The following DCK variants were observed in gnomAD, a reference collection of about 807,000 sequenced individuals.
DCK encodes deoxycytidine kinase.
In DCK, 23 loss-of-function variants were observed where a neutral mutation model predicts 38.3. The observed-to-expected ratio is 0.60, with a 90% confidence interval of 0.43 to 0.85. The LOEUF (loss-of-function observed/expected upper bound fraction) is 0.85. Ranked by LOEUF, DCK falls within the 40% of genes least tolerant of loss-of-function variation. The pLI is 0.00. For missense variants in DCK, 259 were observed against 304.4 expected (o/e 0.85, Z 1.11); for synonymous variants, 108 against 100.6 (o/e 1.07, Z -0.44).
chr4:71,024,498 A>G (rs1304505849), intron 4 of DCK, among the ~76,000 whole-genome samples: 1 of 152,012 alleles, frequency 6.6e-6, no homozygotes, highest in African/African-American at 2.4e-5. Context: ...TCCTTAAGTC[A>G]CAGGGTAGGC....
At position 71,025,866 on chromosome 4, in the gene DCK, T is replaced by G. The variant is rs1430270205; in HGVS notation, c.600T>G (p.Ile200Met). ...YLRGRNEEQG[I>M]PLEYLEKLHY... ...GGGGAAGAAATGAAGAGCAAGGCAT[T>G]CCTCTTGAATATTTAGAGAAGCTTC... The change falls in exon 5 of 7, where the codon ATT becomes ATG. Residue 200 changes from isoleucine to methionine, a missense_variant. Ile to Met is a conservative substitution (Grantham distance 10). Transcript: ENST00000286648. The G allele has an allele frequency of 2.5e-6, 4 of 1,611,554 alleles. No homozygotes were observed. The highest frequency in any genetic ancestry group is 3.3e-5 in the Admixed American group (2 of 59,848).
At chr4:71,012,905 C>A (rs1740140057) in intron 2 of DCK, among the ~76,000 whole-genome samples, 2 of 152,234 alleles carry the variant, frequency 1.3e-5, no homozygotes, top group South Asian at 4.1e-4. Context: ...CGGAACAAAG[C>A]TGGACGGAGA....
chr4:71,019,885 C>T (rs1311601192), intron 2 of DCK, among the ~76,000 whole-genome samples: 1 of 152,148 alleles, frequency 6.6e-6, no homozygotes, highest in African/African-American at 2.4e-5. Flanking sequence ...CTCCCCAGTT[C>T]AAGTGATTCT....
Position 71,026,660 on chromosome 4 carries a change from A to G in DCK, c.666-5A>G. ...ATTATTTTATTAATCTCTCTTTTTA[A>G]ACAGAACCAACTTCGATTATCTTCA... On this transcript the variant is annotated splice_polypyrimidine_tract_variant and splice_region_variant and intron_variant, in intron 5 of 6. Coordinates refer to ENST00000286648, the MANE Select transcript of DCK (RefSeq NM_000788.3). 7.0e-7 allele frequency: 1 copy of G among 1,434,766 alleles called. No homozygotes were observed. The highest frequency in any genetic ancestry group is 9.7e-7 in the Non-Finnish European group (1 of 1,031,508). 88.9% of individuals were successfully genotyped at this position (1,434,766 alleles called of 1,614,324 possible). A position where few individuals can be genotyped will look rare whatever the true frequency, so the allele number is the denominator to read the frequency against.
chr4:71,006,279 T>G (rs1193990280), intron 2 of DCK: 1 of 906,704 alleles, frequency 1.1e-6, no homozygotes, highest in African/African-American at 1.8e-5. Flanking sequence ...AGTTGTAATT[T>G]TGCAGCATTT....
At chr4:71,010,722 A>G (rs28545112) in intron 2 of DCK, among the ~76,000 whole-genome samples, 2,283 of 148,264 alleles carry the variant, frequency 0.015, 31 homozygotes, top group Middle Eastern at 0.061. Flanking sequence ...TATAAAAATT[A>G]TATTTATGGT....
In DCK at chr4:71,029,624, G is replaced by A. The variant is rs1009243606; in HGVS notation, c.*246G>A. On this transcript the variant is annotated 3_prime_UTR_variant, in exon 7 of 7. Coordinates refer to ENST00000286648, the MANE Select transcript of DCK (RefSeq NM_000788.3). ...ATTTCTCATAGCAGGAAATGTAGAG[G>A]TAGATGGTTCCAGTATCAGCATAGT... 4.6e-6 allele frequency: 2 copies of A among 430,708 alleles called. No individual in the cohort carries two copies. The highest frequency in any genetic ancestry group is 2.1e-5 in the African/African-American group (1 of 48,644). The allele number at this position is 430,708 out of a possible 1,614,324, so 26.7% of individuals were successfully genotyped here.
chr4:71,026,612 C>T, intron 5 of DCK, 53 bp from the exon 6 acceptor site: 1 of 879,282 alleles, frequency 1.1e-6, no homozygotes, highest in Non-Finnish European at 1.9e-6. Context: ...TAATGTTTCT[C>T]TCTTTTTTTT....
chr4:71,004,434 G>A (rs1015886530), intron 2 of DCK, among the ~76,000 whole-genome samples: 1 of 152,228 alleles, frequency 6.6e-6, no homozygotes, highest in Non-Finnish European at 1.5e-5. Context: ...GAGGCATGGG[G>A]GTCATGGACC....
At chr4:71,024,027 C>G (rs1740491322) in intron 4 of DCK, among the ~76,000 whole-genome samples, 1 of 152,140 alleles carries the variant, frequency 6.6e-6, no homozygotes, top group South Asian at 2.1e-4. Flanking sequence ...CAAGCAACTC[C>G]TAGAATATAG....
chr4:71,002,940 C>T (rs1032122735), intron 2 of DCK, among the ~76,000 whole-genome samples: 9 of 152,244 alleles, frequency 5.9e-5, no homozygotes, highest in African/African-American at 2.2e-4. Context: ...TCAACTGGGG[C>T]ATTTAGCCCA....
chr4:71,012,095 A>G (rs536747135), intron 2 of DCK, among the ~76,000 whole-genome samples: 24 of 152,352 alleles, frequency 1.6e-4, no homozygotes, highest in African/African-American at 5.8e-4. Context: ...TTATCCAGAG[A>G]TAACCATAGA....
chr4:71,016,681 G>A (rs1046527682), intron 2 of DCK, among the ~76,000 whole-genome samples: 4 of 152,100 alleles, frequency 2.6e-5, no homozygotes, highest in African/African-American at 9.7e-5. Context: ...CAAGAAATGG[G>A]GAAAGGATTC....
At chr4:71,018,067 C>G (rs1407876460) in intron 2 of DCK, among the ~76,000 whole-genome samples, 1 of 151,466 alleles carries the variant, frequency 6.6e-6, no homozygotes, top group Non-Finnish European at 1.5e-5. Flanking sequence ...GAATGATAAC[C>G]TATTCGCTTA....
In DCK at chr4:71,003,747, G is replaced by A. The variant is rs184017010; in HGVS notation, c.207+5565G>A. Among the ~76,000 whole-genome samples the A allele has an allele frequency of 7.8e-4, 119 of 151,862 alleles. 2 individuals carry two copies. The highest frequency in any genetic ancestry group is 1.8e-4 in the Non-Finnish European group (12 of 67,968). On this transcript the variant is annotated intron_variant, in intron 2 of 6. Transcript: ENST00000286648. The stretch of plus-strand genomic sequence containing the variant: ...ATCCTTTCTTCCACTTAATCGATTC[G>A]GCTATTGATACTTGTGTATGCTTCA...
At chr4:70,998,259 C>T in intron 2 of DCK, 77 bp downstream of exon 2, 9 of 650,140 alleles carry the variant, frequency 1.4e-5, no homozygotes, top group Admixed American at 5.9e-5. Context: ...TTTTCTTTTT[C>T]TTTTTCAATA....
intron 1 of DCK, among the ~76,000 whole-genome samples, chr4:70,994,245 A>T (rs968071999): frequency 8.5e-5 from 13 of 152,176 alleles, no homozygotes; most frequent in African/African-American, 3.1e-4. Context: ...TTGAGGTGTA[A>T]CTTACATTAA....
At position 71,019,520 on chromosome 4, in the gene DCK, C is replaced by T. The variant is rs1464513131; in HGVS notation, c.208-2847C>T. ...TTAGCCTCCTGAAAAGATCCAGAGA[C>T]CCCTGGAGCTTCTCCTACTATACTT... On this transcript the variant is annotated intron_variant, in intron 2 of 6. Coordinates refer to ENST00000286648, the MANE Select transcript of DCK (RefSeq NM_000788.3). 2.6e-5 allele frequency among the ~76,000 whole-genome samples: 4 copies of T among 152,048 alleles called. No individual in the cohort carries two copies. In the East Asian group the frequency reaches 7.7e-4, roughly 29 times the overall value.
At position 70,993,792 on chromosome 4, in the gene DCK, GC is replaced by G. The variant is rs757622404; in HGVS notation, c.-41del. The G allele has an allele frequency of 2.1e-5, 31 of 1,452,414 alleles. No homozygotes were observed. In the African/African-American group the frequency reaches 3.6e-4, roughly 17 times the overall value. 90.0% of individuals were successfully genotyped at this position (1,452,414 alleles called of 1,614,324 possible). A position where few individuals can be genotyped will look rare whatever the true frequency, so the allele number is the denominator to read the frequency against. ...TGCGCGCACCCGTGGCCGCCTCCCAGCCCTCTTTGCCGGACGAGCTCTGGGC... is the reference window on the plus strand; with the variant it reads ...TGCGCGCACCCGTGGCCGCCTCCCAGCCTCTTTGCCGGACGAGCTCTGGGC... On this transcript the variant is annotated 5_prime_UTR_variant, in exon 1 of 7. Coordinates refer to ENST00000286648, the MANE Select transcript of DCK (RefSeq NM_000788.3).
Sources: gnomAD v4.1 joint callset for allele counts (sites outside exome capture counted in the v4.1 genomes callset) on GRCh38, gnomAD v4.1.1 for gene constraint, MANE v1.5 for transcripts, NCBI Gene and HGNC (gene_info 2026-07-23, HGNC 2026-07-21) for gene names.